MAGI2: variants seen among roughly 807,000 people sequenced by gnomAD.
The protein encoded by MAGI2 is membrane-associated guanylate kinase, WW and PDZ domain-containing protein 2.
A neutral mutation model predicts 133.3 loss-of-function variants in MAGI2; 35 were observed. The observed-to-expected ratio is 0.26, with a 90% CI of 0.20 to 0.35. The LOEUF (loss-of-function observed/expected upper bound fraction) is 0.35. MAGI2 is among the 10% of genes least tolerant of loss of function. The probability of loss-of-function intolerance (pLI) is 1.00; values close to 1 mark genes in which losing one functional copy is unlikely to be tolerated. For missense variants in MAGI2, 1,636 were observed against 1,863.4 expected (o/e 0.88, Z 2.25); for synonymous variants, 729 against 710.6 (o/e 1.03, Z -0.41).
chr7:78,101,309 G>A (rs1818190631), intron 20 of MAGI2, among the ~76,000 whole-genome samples: 1 of 152,072 alleles, frequency 6.6e-6, no homozygotes, highest in Non-Finnish European at 1.5e-5. Flanking sequence ...TATATTACAA[G>A]GTTATAGTAA....
At chr7:78,033,200 T>A (rs1809778409) in intron 21 of MAGI2, among the ~76,000 whole-genome samples, 1 of 152,048 alleles carries the variant, frequency 6.6e-6, no homozygotes, top group Admixed American at 6.5e-5. Flanking sequence ...GTGGACCTGC[T>A]GATGGATTGA....
chr7:79,418,167 C>G (rs1393594950), intron 1 of MAGI2, among the ~76,000 whole-genome samples: 1 of 151,812 alleles, frequency 6.6e-6, no homozygotes, highest in Non-Finnish European at 1.5e-5. Context: ...TAATGGTGCA[C>G]CTTAAATCAA....
chr7:78,165,452 C>T (rs914471240), intron 15 of MAGI2, among the ~76,000 whole-genome samples: 2 of 152,136 alleles, frequency 1.3e-5, no homozygotes, highest in South Asian at 2.1e-4. Flanking sequence ...TCATAATGAA[C>T]GTGTTCTCTT....
chr7:78,101,377 A>G (rs1014684890), intron 20 of MAGI2, among the ~76,000 whole-genome samples: 1 of 152,190 alleles, frequency 6.6e-6, no homozygotes, highest in Non-Finnish European at 1.5e-5. Flanking sequence ...CAGAGTAGAG[A>G]ACCCAGAAAT....
intron 6 of MAGI2, among the ~76,000 whole-genome samples, chr7:78,425,124 CT>C (rs1297904270): frequency 6.6e-6 from 1 of 152,110 alleles, no homozygotes; most frequent in African/African-American, 2.4e-5. Flanking sequence ...TTGGGAAGAA[CT>C]TGGTTAGAGG....
chr7:78,636,579 G>T (rs1187011258), intron 2 of MAGI2, among the ~76,000 whole-genome samples: 1 of 151,872 alleles, frequency 6.6e-6, no homozygotes, highest in Admixed American at 6.6e-5. Context: ...TGGGCGGATC[G>T]AGAGGTCAGG....
At chr7:78,916,596 C>T (rs1798814151) in intron 2 of MAGI2, among the ~76,000 whole-genome samples, 1 of 152,054 alleles carries the variant, frequency 6.6e-6, no homozygotes, top group Admixed American at 6.6e-5. Flanking sequence ...AAAATTAAAC[C>T]TTTCAGGATG....
intron 2 of MAGI2, among the ~76,000 whole-genome samples, chr7:78,640,288 A>AAAAAAAC (rs145515613): frequency 4.6e-5 from 7 of 152,192 alleles, no homozygotes; most frequent in South Asian, 4.1e-4. Flanking sequence ...ATCCTGTAAT[A>AAAAAAAC]AAAAAACAAA....
chr7:78,587,367 G>T (rs1174370091), intron 3 of MAGI2, among the ~76,000 whole-genome samples: 1 of 152,064 alleles, frequency 6.6e-6, no homozygotes, highest in African/African-American at 2.4e-5. Flanking sequence ...AGCTACCAAA[G>T]AATCACAGAG....
chr7:78,495,816 C>T (rs1389481787), intron 5 of MAGI2, among the ~76,000 whole-genome samples: 1 of 152,060 alleles, frequency 6.6e-6, no homozygotes, highest in Non-Finnish European at 1.5e-5. Context: ...GTGTATTGCA[C>T]ACTGTTTTGT....
intron 2 of MAGI2, among the ~76,000 whole-genome samples, chr7:78,959,273 A>C (rs1429916813): frequency 6.6e-6 from 1 of 152,176 alleles, no homozygotes; most frequent in Non-Finnish European, 1.5e-5. Context: ...TTTTGGTTAT[A>C]GAATAGGGGC....
At chr7:78,588,774 T>C (rs972211990) in intron 3 of MAGI2, among the ~76,000 whole-genome samples, 1 of 152,224 alleles carries the variant, frequency 6.6e-6, no homozygotes, top group Non-Finnish European at 1.5e-5. Context: ...TGTCACATTG[T>C]ACTTTTTAAA....
intron 6 of MAGI2, among the ~76,000 whole-genome samples, chr7:78,379,317 G>A (rs1176918419): frequency 2.0e-5 from 3 of 151,852 alleles, no homozygotes; most frequent in African/African-American, 7.2e-5. Flanking sequence ...CTGTAAAGAT[G>A]ACACACATTT....
chr7:79,068,472 T>G (rs961343104), intron 1 of MAGI2, among the ~76,000 whole-genome samples: 1 of 152,166 alleles, frequency 6.6e-6, no homozygotes, highest in African/African-American at 2.4e-5. Flanking sequence ...ATTTATTAGC[T>G]TCTTCTCTTT....
chr7:79,081,792 TG>T (rs1320922057), intron 1 of MAGI2, among the ~76,000 whole-genome samples: 9 of 152,048 alleles, frequency 5.9e-5, no homozygotes, highest in Admixed American at 5.9e-4. Context: ...CACTGGTTTA[TG>T]AAAGGAAAAA....
At chr7:78,508,693 A>C (rs758666384) in intron 4 of MAGI2, among the ~76,000 whole-genome samples, 1 of 152,140 alleles carries the variant, frequency 6.6e-6, no homozygotes, top group African/African-American at 2.4e-5. Flanking sequence ...TATATATATC[A>C]GATCTGTGGT....
chr7:79,192,751 C>CCACA (rs1022892454), intron 1 of MAGI2, among the ~76,000 whole-genome samples: 5 of 151,700 alleles, frequency 3.3e-5, no homozygotes, highest in African/African-American at 1.2e-4. Flanking sequence ...GCTTAATAAG[C>CCACA]CACAGTGAAG....
At chr7:78,236,891 G>A (rs1002325753) in intron 10 of MAGI2, among the ~76,000 whole-genome samples, 2 of 152,002 alleles carry the variant, frequency 1.3e-5, no homozygotes, top group African/African-American at 2.4e-5. Context: ...AAGGAGAAAG[G>A]CATGTCTTAC....
At chr7:79,067,091 G>A (rs1814425603) in intron 1 of MAGI2, among the ~76,000 whole-genome samples, 2 of 152,050 alleles carry the variant, frequency 1.3e-5, no homozygotes, top group Admixed American at 6.6e-5. Flanking sequence ...GGATATGAGG[G>A]CTCTTTTTTG....
Sources: gnomAD v4.1 joint callset for allele counts (sites outside exome capture counted in the v4.1 genomes callset) on GRCh38, gnomAD v4.1.1 for gene constraint, MANE v1.5 for transcripts, NCBI Gene and HGNC (gene_info 2026-07-23, HGNC 2026-07-21) for gene names.